Variants in CARS2 observed in about 807,000 individuals in gnomAD.
CARS2 encodes the protein cysteinyl-tRNA synthetase 2, mitochondrial, also known as probable cysteine--tRNA ligase, mitochondrial.
CARS2 carries 52 observed loss-of-function variants against 68.8 expected under a neutral mutation model. That is an observed-to-expected ratio of 0.76 (90% CI 0.61 to 0.95). The LOEUF (loss-of-function observed/expected upper bound fraction) is 0.95, where lower values mean the gene tolerates loss of function less well. Among genes scored for constraint, CARS2 ranks in the 40% least tolerant of loss-of-function variants. The pLI is 0.00. For missense variants in CARS2, 780 were observed against 754.2 expected, an observed-to-expected ratio of 1.03 and a Z score of -0.40; for synonymous variants, 314 against 303.6, an observed-to-expected ratio of 1.03 and a Z score of -0.36.
intron 5 of CARS2, 38 bp from the exon 6 acceptor site, chr13:110,683,172 G>T: frequency 7.3e-7 from 1 of 1,379,250 alleles, no homozygotes; most frequent in Non-Finnish European, 9.9e-7. Context: ...TCACTTCTCA[G>T]TCTGAATATC....
At chr13:110,675,703 T>C (rs1254888328) in intron 7 of CARS2, among the ~76,000 whole-genome samples, 2 of 151,340 alleles carry the variant, frequency 1.3e-5, no homozygotes. Flanking sequence ...AGTTAAAATA[T>C]AATGAAAAAA....
chr13:110,673,297 G>A lies in CARS2; in HGVS notation c.785+3677C>T, dbSNP rs147812835. The stretch of plus-strand genomic sequence containing the variant: ...TAGACCAATAGCCCTGATGAACATC[G>A]ATGCAAAAATCCTCAATAAAATACT... On this transcript the variant is annotated intron_variant, in intron 7 of 14. Transcript: ENST00000257347. Among the ~76,000 whole-genome samples the A allele has an allele frequency of 2.0e-3, 297 of 152,230 alleles. 3 individuals are homozygous for A. The highest frequency in any genetic ancestry group is 6.8e-3 in the African/African-American group (281 of 41,518).
At chr13:110,706,178 C>T (rs2063954270), upstream of CARS2, 2 of 1,006,338 alleles carry the variant, frequency 2.0e-6, no homozygotes, top group African/African-American at 3.4e-5. Context: ...ACGGCCCCGC[C>T]CCGCCCCGCC....
chr13:110,661,167 C>T (rs2062494970), intron 9 of CARS2, among the ~76,000 whole-genome samples: 1 of 152,304 alleles, frequency 6.6e-6, no homozygotes, highest in Non-Finnish European at 1.5e-5. Flanking sequence ...GTCAGCCTGT[C>T]CTTTGAAGCT....
intron 7 of CARS2, among the ~76,000 whole-genome samples, chr13:110,672,928 C>T (rs2062840147): frequency 6.6e-6 from 1 of 152,156 alleles, no homozygotes; most frequent in African/African-American, 2.4e-5. Flanking sequence ...TCAGAGAATA[C>T]TATAAACACC....
At chr13:110,712,904 G>T in intron 1 of CARS2, 2 of 1,527,072 alleles carry the variant, frequency 1.3e-6, no homozygotes, top group East Asian at 2.4e-5. Flanking sequence ...CGACACAAAG[G>T]GAGGGCGGTG....
intron 3 of CARS2, chr13:110,697,770 T>C (rs2063665904): frequency 3.0e-6 from 1 of 338,414 alleles, no homozygotes; most frequent in African/African-American, 2.2e-5. Flanking sequence ...AACAAAAGCA[T>C]ATATGTTCAT....
At chr13:110,692,035 CAT>C (rs749625373) in intron 3 of CARS2, among the ~76,000 whole-genome samples, 4,979 of 55,500 alleles carry the variant, frequency 0.09, 100 homozygotes, top group Non-Finnish European at 0.11. Flanking sequence ...CACACACACA[CAT>C]ATATATATAT....
chr13:110,676,418 C>T lies in CARS2; in HGVS notation c.785+556G>A, dbSNP rs2296654. On this transcript the variant is annotated intron_variant, in intron 7 of 14. Transcript: ENST00000257347. This position sits in a 1 kb window ranked among gnomAD's most constrained non-coding sequence, Gnocchi z 4.0. Reference sequence around the variant, plus strand: ...CCGCAGTGGGCCAGGAGAGCAGTGTCGTGTGACTGAGTGGGGGCGGCAGGC... The same window carrying T: ...CCGCAGTGGGCCAGGAGAGCAGTGTTGTGTGACTGAGTGGGGGCGGCAGGC... Among the ~76,000 whole-genome samples, 9,076 of 152,196 alleles carry T rather than the reference C, an allele frequency of 0.06. 351 individuals carry two copies. Among genetic ancestry groups the T allele is most frequent in the Middle Eastern group, 0.16 (48 of 294 alleles).
rs753004657 is a variant in CARS2, at chr13:110,651,066, C to G, written c.1022G>C (p.Arg341Pro). Residue 341 changes from arginine (R) to proline (P), a missense_variant, in exon 10 of 15, where the codon CGG becomes CCG. Physicochemically the swap from Arg to Pro is moderately radical, Grantham distance 103 (BLOSUM62 -2). Coordinates refer to ENST00000257347, the MANE Select transcript of CARS2 (RefSeq NM_024537.4). ...FLKTFSPDVF[R>P]FFCLRSSYRS... The stretch of plus-strand genomic sequence containing the variant: ...GTAGCTGCTCCGCAGGCAGAAGAAC[C>G]GGAAGACATCGGGGGAAAAGGTCTT... 17 of 1,613,502 alleles carry G rather than the reference C, an allele frequency of 1.1e-5. No individual in the cohort carries two copies. Among genetic ancestry groups the G allele is most frequent in the Non-Finnish European group, 1.4e-5 (17 of 1,179,918 alleles).
chr13:110,642,950 G>A (rs79919475), intron 13 of CARS2: 3,869 of 380,762 alleles, frequency 0.01, 120 homozygotes, highest in African/African-American at 0.066. Context: ...ACAGCCTCAG[G>A]TGCTGAGGAC....
chr13:110,705,457 A>G lies in CARS2; in HGVS notation c.275+64T>C, dbSNP rs1386053621. 3.4e-6 allele frequency: 4 copies of G among 1,175,102 alleles called. No homozygotes were observed. The African/African-American group carries it at 6.2e-5, about 18-fold the overall frequency. 72.8% of individuals were successfully genotyped at this position (1,175,102 alleles called of 1,614,324 possible). A position where few individuals can be genotyped will look rare whatever the true frequency, so the allele number is the denominator to read the frequency against. On this transcript the variant is annotated intron_variant, in intron 2 of 14. Coordinates refer to ENST00000257347, the MANE Select transcript of CARS2 (RefSeq NM_024537.4). This position sits in a 1 kb window ranked among gnomAD's most constrained non-coding sequence, Gnocchi z 4.0. Reference sequence around the variant, plus strand: ...TGCCACTTAAGAGATAAAAGAAATCAGCAAAAGGCTTTCAAAAATAAATGG... The same window carrying G: ...TGCCACTTAAGAGATAAAAGAAATCGGCAAAAGGCTTTCAAAAATAAATGG...
At chr13:110,661,034 A>G (rs995837113) in intron 9 of CARS2, among the ~76,000 whole-genome samples, 2 of 152,192 alleles carry the variant, frequency 1.3e-5, no homozygotes, top group African/African-American at 4.8e-5. Flanking sequence ...TGCTGGGATT[A>G]CAAACGTGAG....
At chr13:110,686,987 C>G (rs2063320377) in intron 5 of CARS2, among the ~76,000 whole-genome samples, 1 of 152,090 alleles carries the variant, frequency 6.6e-6, no homozygotes, top group Non-Finnish European at 1.5e-5. Flanking sequence ...TCGTAATGGC[C>G]TGTGAAAAAA....
At chr13:110,712,855 C>G in intron 1 of CARS2, 1 of 1,187,760 alleles carries the variant, frequency 8.4e-7, no homozygotes, top group Non-Finnish European at 1.2e-6. Flanking sequence ...CTCTCAGGCC[C>G]CTTTGTCTCC....
At chr13:110,685,377 C>T (rs1321371829) in intron 5 of CARS2, among the ~76,000 whole-genome samples, 1 of 152,154 alleles carries the variant, frequency 6.6e-6, no homozygotes, top group East Asian at 1.9e-4. Flanking sequence ...TAAAAAGCTA[C>T]TTCCATACAC....
intron 9 of CARS2, among the ~76,000 whole-genome samples, chr13:110,655,017 G>T (rs1267857102): frequency 6.6e-6 from 1 of 152,058 alleles, no homozygotes; most frequent in Non-Finnish European, 1.5e-5. Context: ...AGAGACCTGG[G>T]AAACAGACAT....
At chr13:110,663,408 A>G (rs1384405834) in intron 9 of CARS2, 43 bp downstream of exon 9, 2 of 1,586,488 alleles carry the variant, frequency 1.3e-6, no homozygotes, top group African/African-American at 1.4e-5. Flanking sequence ...TGGGTTCCAC[A>G]AGCTATCGGC....
At chr13:110,712,676 G>A (rs1350072998) in intron 1 of CARS2, 6 of 655,822 alleles carry the variant, frequency 9.1e-6, no homozygotes, top group African/African-American at 3.6e-5. Flanking sequence ...AATGGCCTCA[G>A]GACGCCGGCC....
Sources: gnomAD v4.1 joint callset for allele counts (sites outside exome capture counted in the v4.1 genomes callset) on GRCh38, gnomAD v4.1.1 for gene constraint, Gnocchi (gnomAD v3.1) non-coding constraint, MANE v1.5 for transcripts, NCBI Gene and HGNC (gene_info 2026-07-23, HGNC 2026-07-21) for gene names.